The following BDKRB2 variants were observed in gnomAD, a reference collection of about 807,000 sequenced individuals.
BDKRB2 encodes the protein bradykinin receptor B2, also known as B2 bradykinin receptor.
A neutral mutation model predicts 4.0 loss-of-function variants in BDKRB2; 6 were observed. The observed-to-expected ratio is 1.49, with a 90% CI of 0.81 to 2.93. BDKRB2 has a LOEUF of 2.93. Among genes scored for constraint, BDKRB2 ranks in the 30% most tolerant of loss-of-function variants. The pLI is 0.00. For missense variants in BDKRB2, 478 were observed against 520.1 expected (o/e 0.92, Z 0.79); for synonymous variants, 225 against 215.3 (o/e 1.05, Z -0.40).
At chr14:96,210,025 C>A (rs1257648362) in intron 1 of BDKRB2, among the ~76,000 whole-genome samples, 23 of 135,724 alleles carry the variant, frequency 1.7e-4, no homozygotes, top group African/African-American at 4.7e-4. Flanking sequence ...TAATCATCAT[C>A]ATCATCATCA....
chr14:96,238,791 C>T, intron 2 of BDKRB2: 6 of 985,900 alleles, frequency 6.1e-6, no homozygotes, highest in Non-Finnish European at 7.2e-6. Flanking sequence ...CCACCAGCCC[C>T]CTCTCCAAGT....
chr14:96,218,769 A>G (rs1372377263), intron 1 of BDKRB2, among the ~76,000 whole-genome samples: 1 of 151,848 alleles, frequency 6.6e-6, no homozygotes, highest in African/African-American at 2.4e-5. Context: ...AATACAAAAT[A>G]TTAGCCAGGT....
At chr14:96,237,036 G>A (rs1372414080) in intron 1 of BDKRB2, 33 bp from the exon 2 acceptor site, 20 of 1,301,674 alleles carry the variant, frequency 1.5e-5, no homozygotes, top group African/African-American at 2.9e-5. Context: ...CCCAGCCCCT[G>A]TGCCATCTAA....
chr14:96,214,021 G>C (rs1890361531), intron 1 of BDKRB2, among the ~76,000 whole-genome samples: 1 of 152,146 alleles, frequency 6.6e-6, no homozygotes, highest in African/African-American at 2.4e-5. Flanking sequence ...GGGGAAGGAG[G>C]AGCTGGGGCT....
intron 1 of BDKRB2, among the ~76,000 whole-genome samples, chr14:96,230,018 C>A (rs1320541021): frequency 6.6e-6 from 1 of 151,332 alleles, no homozygotes; most frequent in Non-Finnish European, 1.5e-5. Context: ...CCTGTAGTAC[C>A]AACTACTCGG....
At chr14:96,238,616 G>C (rs764433183) in intron 2 of BDKRB2, 74 of 982,194 alleles carry the variant, frequency 7.5e-5, no homozygotes, top group Non-Finnish European at 8.8e-5. Context: ...CACCTCTCCT[G>C]TCCAACATCT....
chr14:96,206,008 G>C (rs4905460), intron 1 of BDKRB2, among the ~76,000 whole-genome samples: 1 of 152,120 alleles, frequency 6.6e-6, no homozygotes, highest in African/African-American at 2.4e-5. Context: ...GGCCAACCCC[G>C]CCCCTAATTC....
chr14:96,212,866 C>T (rs4900314), intron 1 of BDKRB2, among the ~76,000 whole-genome samples: 110,715 of 151,986 alleles, frequency 0.73, 40,834 homozygotes, highest in Non-Finnish European at 0.8. Context: ...CAGGAGTTAA[C>T]GCCCCCTCCC....
chr14:96,222,046 A>G (rs1251006251), intron 1 of BDKRB2, among the ~76,000 whole-genome samples: 1 of 152,072 alleles, frequency 6.6e-6, no homozygotes, highest in Non-Finnish European at 1.5e-5. Context: ...AGTGGCCTGC[A>G]CTTCTGACCA....
rs192318494 is a variant in BDKRB2 at position 96,210,418 on chromosome 14, C to A, written c.-40+5459C>A. Among the ~76,000 whole-genome samples, 13 of 152,282 alleles carry A rather than the reference C, an allele frequency of 8.5e-5. No individual in the cohort carries two copies. In the East Asian group the frequency reaches 2.5e-3, roughly 29 times the overall value. ...GAAGAGGAGGTTAGGCAGAAGGAGG[C>A]CTGATCTCATCTTGCCTTTGTCTTG... On this transcript the variant is annotated intron_variant, in intron 1 of 2. Transcript: ENST00000554311.
chr14:96,216,699 GGAGGAAGGAGGAGGAA>G (rs1455029672), intron 1 of BDKRB2, among the ~76,000 whole-genome samples: 3 of 130,936 alleles, frequency 2.3e-5, no homozygotes, highest in Non-Finnish European at 4.8e-5. Context: ...GGAGGAAGGA[GGAGGAAGGAGGAGGAA>G]GAGGAAGGAG....
intron 1 of BDKRB2, among the ~76,000 whole-genome samples, chr14:96,205,438 C>A (rs374468396): frequency 1.2e-3 from 182 of 151,102 alleles, no homozygotes; most frequent in South Asian, 0.011. Flanking sequence ...TGCAAAGCAG[C>A]CAGCTCGCTG....
chr14:96,239,960 A>C, intron 2 of BDKRB2: 16 of 985,904 alleles, frequency 1.6e-5, no homozygotes, highest in Non-Finnish European at 1.6e-5. Context: ...CAGGTCTGGA[A>C]TGATATCATT....
At position 96,244,018 on chromosome 14, in the gene BDKRB2, G is replaced by A. The variant is rs200717382; in HGVS notation, c.*2514G>A. On this transcript the variant is annotated 3_prime_UTR_variant, in exon 3 of 3. Coordinates refer to ENST00000554311, the MANE Select transcript of BDKRB2 (RefSeq NM_001379692.1). Reference sequence around the variant, plus strand: ...GGAGAAGAGCGGCCCTATGCATGGTGTAGATGCCCTGATAAAGAACATCTG... The same window carrying A: ...GGAGAAGAGCGGCCCTATGCATGGTATAGATGCCCTGATAAAGAACATCTG... 1 of 394,726 alleles carries A rather than the reference G, an allele frequency of 2.5e-6. No homozygotes were observed. 24.5% of individuals were successfully genotyped at this position (394,726 alleles called of 1,614,324 possible).
chr14:96,214,444 C>A (rs928010000), intron 1 of BDKRB2, among the ~76,000 whole-genome samples: 4 of 152,210 alleles, frequency 2.6e-5, no homozygotes, highest in Non-Finnish European at 5.9e-5. Context: ...GCCCTCCTGC[C>A]GGGGACAATG....
chr14:96,227,308 A>C (rs1890718393), intron 1 of BDKRB2, among the ~76,000 whole-genome samples: 1 of 152,214 alleles, frequency 6.6e-6, no homozygotes, highest in African/African-American at 2.4e-5. Flanking sequence ...CTTTGTGCTC[A>C]CATTAACCCC....
In BDKRB2 at chr14:96,241,441, G is replaced by A. The variant is rs1885290315; in HGVS notation, c.1113G>A (p.Arg371=). 1 of 1,595,586 alleles carries A rather than the reference G, an allele frequency of 6.3e-7. No individual in the cohort carries two copies. Among genetic ancestry groups the A allele is most frequent in the African/African-American group, 1.3e-5 (1 of 74,722 alleles). The change falls in exon 3 of 3, where the codon CGG becomes CGA. Residue 371 remains arginine, a synonymous_variant. Transcript: ENST00000554311. ...IQMENSMGTL[R]TSISVERQIH... ...TGGAGAACTCCATGGGCACACTGCG[G>A]ACCTCCATCTCCGTGGAACGCCAGA...
At chr14:96,208,773 C>T (rs942486469) in intron 1 of BDKRB2, among the ~76,000 whole-genome samples, 3 of 152,232 alleles carry the variant, frequency 2.0e-5, no homozygotes, top group South Asian at 2.1e-4. Context: ...TCTCACGCTT[C>T]TCTTCAGGGC....
At chr14:96,227,947 G>A (rs971820221) in intron 1 of BDKRB2, among the ~76,000 whole-genome samples, 8 of 152,190 alleles carry the variant, frequency 5.3e-5, no homozygotes, top group Non-Finnish European at 1.0e-4. Flanking sequence ...AGCAGCCCCC[G>A]ACTCCTGTGG....
Sources: allele counts gnomAD v4.1 joint callset (sites outside exome capture counted in the v4.1 genomes callset), GRCh38; gene constraint gnomAD v4.1.1; transcripts MANE v1.5; gene names NCBI Gene and HGNC (gene_info 2026-07-23, HGNC 2026-07-21).